The following PGCKA1 variants were observed in gnomAD, a reference collection of about 807,000 sequenced individuals.
The protein encoded by PGCKA1 is PDCD10 and GCKIII kinases associated 1, also known as PDCD10 and GCKIII kinases-associated protein 1.
the PGCKA1 span, among the ~76,000 whole-genome samples, chr4:37,518,826 G>C: frequency 2.0e-5 from 3 of 152,034 alleles, no homozygotes; most frequent in Non-Finnish European, 4.4e-5. Context: ...TAGGAGTATT[G>C]CTCAAAACAT....
chr4:37,528,616 C>T, the PGCKA1 span, among the ~76,000 whole-genome samples: 1 of 151,664 alleles, frequency 6.6e-6, no homozygotes, highest in African/African-American at 2.4e-5. Context: ...TTTTTAAAAA[C>T]TAAAAAAAAA....
At chr4:37,460,953 GT>G in the PGCKA1 span, 1 of 363,356 alleles carries the variant, frequency 2.8e-6, no homozygotes, top group Non-Finnish European at 5.3e-6. Context: ...CTCTTCTGGG[GT>G]TTTTATGGTT....
At chr4:37,516,649 T>C in the PGCKA1 span, among the ~76,000 whole-genome samples, 1 of 152,194 alleles carries the variant, frequency 6.6e-6, no homozygotes. Context: ...TTCTCTTGAC[T>C]AAGTCACATT....
At chr4:37,458,588 C>G in the PGCKA1 span, among the ~76,000 whole-genome samples, 6 of 152,286 alleles carry the variant, frequency 3.9e-5, no homozygotes, top group South Asian at 1.2e-3. Context: ...AGCCTCACGT[C>G]TTTCATGATT....
At chr4:37,591,134 T>A in the PGCKA1 span, 2 of 696,498 alleles carry the variant, frequency 2.9e-6, no homozygotes, top group South Asian at 3.8e-5. Context: ...ATCCAGCATC[T>A]GTTCTGATTG....
chr4:37,456,304 A>G, the PGCKA1 span, among the ~76,000 whole-genome samples: 3 of 152,220 alleles, frequency 2.0e-5, no homozygotes, highest in Non-Finnish European at 4.4e-5. Context: ...GAATAAACTG[A>G]AAATGAAATC....
the PGCKA1 span, among the ~76,000 whole-genome samples, chr4:37,535,775 G>A: frequency 2.0e-5 from 3 of 152,188 alleles, no homozygotes; most frequent in Non-Finnish European, 4.4e-5. Flanking sequence ...CAGTGTGAGC[G>A]ATGTTGCTGG....
chr4:37,546,605 G>T, the PGCKA1 span, among the ~76,000 whole-genome samples: 1 of 152,236 alleles, frequency 6.6e-6, no homozygotes, highest in African/African-American at 2.4e-5. Flanking sequence ...GCTCCCAGCT[G>T]AATAAAGCCC....
At chr4:37,556,117 T>C in the PGCKA1 span, among the ~76,000 whole-genome samples, 1 of 152,232 alleles carries the variant, frequency 6.6e-6, no homozygotes, top group Non-Finnish European at 1.5e-5. Flanking sequence ...TGTCACACAG[T>C]AGGAATTCAG....
chr4:37,535,736 C>A, the PGCKA1 span, among the ~76,000 whole-genome samples: 1 of 152,286 alleles, frequency 6.6e-6, no homozygotes, highest in Non-Finnish European at 1.5e-5. Context: ...TTACCACCAC[C>A]ACATTATGGA....
the PGCKA1 span, among the ~76,000 whole-genome samples, chr4:37,479,629 C>CA: frequency 2.0e-3 from 312 of 152,266 alleles, 1 homozygote; most frequent in African/African-American, 6.1e-3. Flanking sequence ...GCAGGAGGCA[C>CA]AGCATGTGCA....
chr4:37,476,170 G>A, the PGCKA1 span, among the ~76,000 whole-genome samples: 9 of 152,014 alleles, frequency 5.9e-5, no homozygotes, highest in South Asian at 2.1e-4. Flanking sequence ...AACTGGTCTC[G>A]TTCTTGCAAG....
At chr4:37,461,582 C>T in the PGCKA1 span, among the ~76,000 whole-genome samples, 3 of 151,866 alleles carry the variant, frequency 2.0e-5, no homozygotes, top group Non-Finnish European at 4.4e-5. Context: ...AAAGCTTGGA[C>T]GCTGGGCTGG....
At chr4:37,508,265 A>C in the PGCKA1 span, among the ~76,000 whole-genome samples, 6 of 152,066 alleles carry the variant, frequency 3.9e-5, no homozygotes, top group East Asian at 9.6e-4. Context: ...CTCTAGGTTT[A>C]GGAAGTTATT....
At chr4:37,480,064 G>C in the PGCKA1 span, among the ~76,000 whole-genome samples, 1 of 152,288 alleles carries the variant, frequency 6.6e-6, no homozygotes, top group Non-Finnish European at 1.5e-5. Flanking sequence ...ATGATTCAAG[G>C]AATCTTTAAA....
chr4:37,527,437 A>G, the PGCKA1 span, among the ~76,000 whole-genome samples: 2 of 152,308 alleles, frequency 1.3e-5, no homozygotes, highest in South Asian at 4.1e-4. Flanking sequence ...AGCTCCATTC[A>G]TGGTAAGTGC....
At chr4:37,560,687 C>G in the PGCKA1 span, among the ~76,000 whole-genome samples, 1 of 152,152 alleles carries the variant, frequency 6.6e-6, no homozygotes, top group African/African-American at 2.4e-5. Context: ...CAGCTTCCCT[C>G]CCTGCATCTA....
At chr4:37,553,497 T>A in the PGCKA1 span, among the ~76,000 whole-genome samples, 3 of 152,232 alleles carry the variant, frequency 2.0e-5, no homozygotes, top group Non-Finnish European at 4.4e-5. Flanking sequence ...AATATATTGC[T>A]GAAATAAACT....
chr4:37,568,635 C>G, the PGCKA1 span, among the ~76,000 whole-genome samples: 35 of 152,064 alleles, frequency 2.3e-4, no homozygotes, highest in Non-Finnish European at 1.2e-4. Context: ...TGAGTGTGGA[C>G]GTAGGACCCA....
Sources: gnomAD v4.1 joint callset for allele counts (sites outside exome capture counted in the v4.1 genomes callset) on GRCh38, gnomAD v4.1.1 for gene constraint, MANE v1.5 for transcripts, NCBI Gene and HGNC (gene_info 2026-07-23, HGNC 2026-07-21) for gene names.